The following POMGNT1 variants were observed in gnomAD, a reference collection of about 807,000 sequenced individuals.
The protein encoded by POMGNT1 is protein O-linked-mannose beta-1,2-N-acetylglucosaminyltransferase 1.
Under a neutral mutation model 95.6 loss-of-function variants are expected in POMGNT1, and 67 were observed. The ratio of observed to expected loss-of-function variants is 0.70; its 90% CI spans 0.58 to 0.86. The LOEUF (loss-of-function observed/expected upper bound fraction) is 0.86. Ranked by LOEUF, POMGNT1 falls within the 40% of genes least tolerant of loss-of-function variation. The pLI is 0.00. For synonymous variants in POMGNT1, 298 were observed against 317.9 expected, an observed-to-expected ratio of 0.94 and a Z score of 0.66; for missense variants, 719 against 855.2, an observed-to-expected ratio of 0.84 and a Z score of 1.99.
chr1:46,190,654 G>A, intron 18 of POMGNT1, 66 bp downstream of exon 18: 1 of 1,546,264 alleles, frequency 6.5e-7, no homozygotes, highest in Non-Finnish European at 8.9e-7. Context: ...GCATTGGAAG[G>A]GACTTTCAGG....
chr1:46,202,111 A>C (rs1002374153), upstream of POMGNT1, among the ~76,000 whole-genome samples: 2 of 151,374 alleles, frequency 1.3e-5, no homozygotes, highest in African/African-American at 2.4e-5. Flanking sequence ...ACCAAAAGAA[A>C]AAAAAAAACT....
chr1:46,207,193 G>T (rs969474759), intron 1 of POMGNT1, among the ~76,000 whole-genome samples: 2 of 151,914 alleles, frequency 1.3e-5, no homozygotes, highest in Non-Finnish European at 2.9e-5. Flanking sequence ...CGGTTCTCCT[G>T]CCTCAGCTTC....
chr1:46,202,802 C>G (rs1328177735), upstream of POMGNT1, among the ~76,000 whole-genome samples: 2 of 148,316 alleles, frequency 1.3e-5, no homozygotes, highest in African/African-American at 5.0e-5. Flanking sequence ...AATTCATACG[C>G]ACAGTCAAGC....
intron 1 of POMGNT1, among the ~76,000 whole-genome samples, chr1:46,209,265 C>T (rs774401854): frequency 3.9e-5 from 6 of 152,134 alleles, no homozygotes; most frequent in Non-Finnish European, 5.9e-5. Flanking sequence ...CTCAGGTGAT[C>T]CATCCGCCTT....
Position 46,197,784 on chromosome 1 carries a change from A to T in POMGNT1, c.38T>A (p.Phe13Tyr), listed in dbSNP as rs377724143. 1 of 1,614,056 alleles carries T rather than the reference A, an allele frequency of 6.2e-7. No homozygotes were observed. Among genetic ancestry groups the T allele is most frequent in the East Asian group, 2.2e-5 (1 of 44,876 alleles). Residue 13 changes from phenylalanine (F) to tyrosine (Y), a missense_variant, in exon 2 of 22, where the codon TTT becomes TAT. Physicochemically the swap from Phe to Tyr is conservative, Grantham distance 22 (BLOSUM62 3). Transcript: ENST00000371984. ...CCAGCTCCGCTTCTTCCGAGCCCCA[A>T]AGGGCTTGATGAGGGGGCTGGGCTT... The part of the protein sequence containing the change: ...DWKPSPLIKP[F>Y]GARKKRSWYL...
At chr1:46,201,722 GAAAGA>G (rs1489461461), upstream of POMGNT1, among the ~76,000 whole-genome samples, 8 of 148,790 alleles carry the variant, frequency 5.4e-5, no homozygotes, top group Non-Finnish European at 1.0e-4. Flanking sequence ...AAAGAAAAAA[GAAAGA>G]AAAGAAAAGA....
At chr1:46,198,738 A>G (rs1428733245), upstream of POMGNT1, among the ~76,000 whole-genome samples, 1 of 152,180 alleles carries the variant, frequency 6.6e-6, no homozygotes. Context: ...CGCCAGGGTC[A>G]GAGGGGCTGC....
In POMGNT1 at chr1:46,190,459, G is replaced by T; in HGVS notation, c.1649+14C>A. On this transcript the variant is annotated intron_variant, in intron 19 of 21. Transcript: ENST00000371984. The stretch of plus-strand genomic sequence containing the variant: ...CTTTGCTCCCTGCTACACCCCAATT[G>T]TCCTAGGCCATACCTGAGCAGCCTG... The T allele has an allele frequency of 6.3e-7, 1 of 1,578,284 alleles. No individual in the cohort carries two copies. Among genetic ancestry groups the T allele is most frequent in the Non-Finnish European group, 8.7e-7 (1 of 1,147,424 alleles).
chr1:46,193,749 G>T, intron 10 of POMGNT1, 106 bp downstream of exon 10: 4 of 1,597,062 alleles, frequency 2.5e-6, no homozygotes, highest in Non-Finnish European at 8.5e-7. Context: ...AGGTGAATGC[G>T]TCTAGAATCT....
intron 17 of POMGNT1, 184 bp downstream of exon 17, chr1:46,191,914 G>T: frequency 1.0e-6 from 1 of 954,066 alleles, no homozygotes; most frequent in Non-Finnish European, 1.5e-6. Context: ...GATTACAGGC[G>T]TGAGCCACCG....
At position 46,196,213 on chromosome 1, in the gene POMGNT1, C is replaced by G; in HGVS notation, c.355-136G>C. 2 of 1,533,004 alleles carry G rather than the reference C, an allele frequency of 1.3e-6. No individual in the cohort carries two copies. Among genetic ancestry groups the G allele is most frequent in the Non-Finnish European group, 1.8e-6 (2 of 1,140,694 alleles). 95.0% of individuals were successfully genotyped at this position (1,533,004 alleles called of 1,614,324 possible). A position where few individuals can be genotyped will look rare whatever the true frequency, so the allele number is the denominator to read the frequency against. ...TTCTGTTCACACAGTTCTTTTCCAA[C>G]TCAGCTCGAAGGCCACCTCTTCCAG... is the stretch of plus-strand genomic sequence containing the variant. On this transcript the variant is annotated intron_variant, in intron 4 of 21. Transcript: ENST00000371984. This position sits in a 1 kb window ranked among gnomAD's most constrained non-coding sequence, Gnocchi z 4.4.
At chr1:46,210,879 A>G (rs771983459) in intron 1 of POMGNT1, among the ~76,000 whole-genome samples, 7 of 151,564 alleles carry the variant, frequency 4.6e-5, no homozygotes, top group South Asian at 2.1e-4. Flanking sequence ...GGCTCAATCA[A>G]TCCTCCCAGT....
At chr1:46,197,145 C>A in intron 2 of POMGNT1, 61 bp from the exon 3 acceptor site, 3 of 1,612,590 alleles carry the variant, frequency 1.9e-6, no homozygotes, top group Non-Finnish European at 2.5e-6. Flanking sequence ...GAGGGTCTTT[C>A]TGAAAGGAGG....
intron 8 of POMGNT1, 25 bp from the exon 9 acceptor site, chr1:46,194,426 G>A (rs1658050487): frequency 2.5e-6 from 4 of 1,614,158 alleles, no homozygotes; most frequent in Non-Finnish European, 3.4e-6. Flanking sequence ...CGGTTGTCAT[G>A]GAGGCATGGG....
At chr1:46,190,118 AGAT>A (rs1657644482) in intron 19 of POMGNT1, 129 bp from the exon 20 acceptor site, 1 of 825,048 alleles carries the variant, frequency 1.2e-6, no homozygotes, top group East Asian at 3.1e-5. Context: ...TTTTTTTTTG[AGAT>A]GGAGTCTTGC....
chr1:46,220,279 C>G, exon 1 of POMGNT1: 1 of 1,505,660 alleles, frequency 6.6e-7, no homozygotes, highest in Non-Finnish European at 8.9e-7. Context: ...GTGGTCTCCC[C>G]CAAAATTGAT....
exon 1 of POMGNT1, chr1:46,220,250 G>T: frequency 6.4e-7 from 1 of 1,564,908 alleles, no homozygotes. Flanking sequence ...TAATCCTGTG[G>T]CTCTTTTATC....
In POMGNT1 at chr1:46,194,851, T is replaced by A; in HGVS notation, c.645A>T (p.Arg215=). 6.2e-7 allele frequency: 1 copy of A among 1,614,196 alleles called. No individual in the cohort carries two copies. Among genetic ancestry groups the A allele is most frequent in the Non-Finnish European group, 8.5e-7 (1 of 1,180,042 alleles). The part of the protein sequence containing the change: ...GWRDTWAFVG[R]KGGPVFGEKH... ...GGCCTCTGATGCCGGCACCTCCTTT[T>A]CGTCCCACGAAGGCCCATGTGTCCC... is the stretch of plus-strand genomic sequence containing the variant. Residue 215 remains arginine (R), a synonymous_variant, in exon 7 of 22, where the codon CGA becomes CGT. Coordinates refer to ENST00000371984, the MANE Select transcript of POMGNT1 (RefSeq NM_017739.4).
rs1279872512 is a variant in POMGNT1, at chr1:46,196,054, C to G, written c.378G>C (p.Glu126Asp). The part of the protein sequence containing the change: ...GTTVLEDEAR[E>D]QGRGIHVIVL... ...CAATGACATGGATGCCCCGGCCCTG[C>G]TCCCGGGCCTCATCCTCCAGCACCT... is the stretch of plus-strand genomic sequence containing the variant. The change falls in exon 5 of 22, where the codon GAG becomes GAC. Residue 126 changes from glutamate to aspartate, a missense_variant. Physicochemically the swap from Glu to Asp is conservative, Grantham distance 45. This residue lies in a region of POMGNT1 where 466 missense variants were observed against 517.4 expected (regional missense o/e 0.90). Coordinates refer to ENST00000371984, the MANE Select transcript of POMGNT1 (RefSeq NM_017739.4). This position sits in a 1 kb window ranked among gnomAD's most constrained non-coding sequence, Gnocchi z 4.4. 3 of 1,613,926 alleles carry G rather than the reference C, an allele frequency of 1.9e-6. No homozygotes were observed. The African/African-American group carries it at 4.0e-5, about 22-fold the overall frequency.
Sources: gnomAD v4.1 joint callset for allele counts (sites outside exome capture counted in the v4.1 genomes callset) on GRCh38, gnomAD v4.1.1 for gene constraint, gnomAD v4.1.1 regional missense constraint, Gnocchi (gnomAD v3.1) non-coding constraint, MANE v1.5 for transcripts, NCBI Gene and HGNC (gene_info 2026-07-23, HGNC 2026-07-21) for gene names.